The following CSNK2A2IP variants were observed in gnomAD, a reference collection of about 807,000 sequenced individuals.
CSNK2A2IP encodes casein kinase II subunit alpha'-interacting protein.
chr3:88,374,019 G>T, the CSNK2A2IP span, among the ~76,000 whole-genome samples: 1 of 151,564 alleles, frequency 6.6e-6, no homozygotes, highest in African/African-American at 2.4e-5. Context: ...TGGCTTCTTT[G>T]GTAAATCCTA....
At chr3:88,445,944 T>C in the CSNK2A2IP span, among the ~76,000 whole-genome samples, 3 of 136,718 alleles carry the variant, frequency 2.2e-5, no homozygotes, top group East Asian at 2.0e-4. Context: ...CTTTCTTTCT[T>C]TCTCTCTCTC....
the CSNK2A2IP span, among the ~76,000 whole-genome samples, chr3:88,412,009 A>G: frequency 1.3e-5 from 2 of 151,834 alleles, no homozygotes; most frequent in African/African-American, 4.8e-5. Flanking sequence ...CAACACTGTT[A>G]GAAGAATACC....
At chr3:88,447,950 T>C in the CSNK2A2IP span, among the ~76,000 whole-genome samples, 27 of 152,338 alleles carry the variant, frequency 1.8e-4, no homozygotes, top group African/African-American at 5.5e-4. Context: ...AAATAGTGCA[T>C]AACTAATTTG....
the CSNK2A2IP span, among the ~76,000 whole-genome samples, chr3:88,410,872 G>T: frequency 6.6e-6 from 1 of 151,934 alleles, no homozygotes; most frequent in South Asian, 2.1e-4. Context: ...TATATATATA[G>T]AGAGCGGAAG....
At chr3:88,383,884 C>T in the CSNK2A2IP span, among the ~76,000 whole-genome samples, 1,512 of 152,098 alleles carry the variant, frequency 9.9e-3, 22 homozygotes, top group African/African-American at 0.035. Context: ...AGGATGGTCT[C>T]GATCTCCTGA....
At chr3:88,457,365 T>TA in the CSNK2A2IP span, among the ~76,000 whole-genome samples, 271 of 151,910 alleles carry the variant, frequency 1.8e-3, no homozygotes, top group Middle Eastern at 6.8e-3. Flanking sequence ...CCTTTTTTTT[T>TA]ATCTATATTT....
At chr3:88,438,290 T>C in the CSNK2A2IP span, among the ~76,000 whole-genome samples, 3 of 152,184 alleles carry the variant, frequency 2.0e-5, no homozygotes, top group Non-Finnish European at 4.4e-5. Flanking sequence ...TGGTTTGGTA[T>C]GCTGAGAACT....
chr3:88,339,563 A>T, the CSNK2A2IP span, among the ~76,000 whole-genome samples: 1 of 152,020 alleles, frequency 6.6e-6, no homozygotes, highest in African/African-American at 2.4e-5. Context: ...TATACCCAGC[A>T]CTCACATATA....
the CSNK2A2IP span, among the ~76,000 whole-genome samples, chr3:88,352,172 T>G: frequency 6.6e-6 from 1 of 152,192 alleles, no homozygotes; most frequent in Non-Finnish European, 1.5e-5. Flanking sequence ...TAGTTTTTAC[T>G]AAATGTTTTA....
the CSNK2A2IP span, among the ~76,000 whole-genome samples, chr3:88,350,967 G>T: frequency 6.6e-6 from 1 of 152,096 alleles, no homozygotes; most frequent in Non-Finnish European, 1.5e-5. Flanking sequence ...TTTCTGTCAG[G>T]CAGAAGAGCA....
chr3:88,434,679 T>G, the CSNK2A2IP span, among the ~76,000 whole-genome samples: 2 of 152,132 alleles, frequency 1.3e-5, no homozygotes, highest in Admixed American at 6.5e-5. Context: ...ATTTATAGTT[T>G]CCCCACCCAA....
the CSNK2A2IP span, among the ~76,000 whole-genome samples, chr3:88,426,739 C>T: frequency 7.9e-5 from 12 of 152,092 alleles, no homozygotes; most frequent in African/African-American, 1.9e-4. Context: ...GCTTTGCCTT[C>T]GCCATGATTG....
chr3:88,413,010 T>C, the CSNK2A2IP span, among the ~76,000 whole-genome samples: 1 of 152,214 alleles, frequency 6.6e-6, no homozygotes, highest in Admixed American at 6.5e-5. Context: ...TGGATAGAAG[T>C]AGGTATCCCT....
At chr3:88,446,944 A>T in the CSNK2A2IP span, among the ~76,000 whole-genome samples, 2 of 152,204 alleles carry the variant, frequency 1.3e-5, no homozygotes, top group Non-Finnish European at 2.9e-5. Flanking sequence ...TAACTTTATT[A>T]GAACTCCTGT....
the CSNK2A2IP span, chr3:88,465,602 G>A: frequency 8.1e-7 from 1 of 1,231,634 alleles, no homozygotes; most frequent in Non-Finnish European, 1.0e-6. Flanking sequence ...ATTTCACAGA[G>A]CTTCTGTGAT....
At chr3:88,461,500 C>A in the CSNK2A2IP span, among the ~76,000 whole-genome samples, 5 of 152,114 alleles carry the variant, frequency 3.3e-5, no homozygotes, top group African/African-American at 1.2e-4. Flanking sequence ...TTGCAGTGAG[C>A]CGAGATCAAG....
the CSNK2A2IP span, among the ~76,000 whole-genome samples, chr3:88,364,088 C>T: frequency 6.6e-6 from 1 of 152,162 alleles, no homozygotes; most frequent in African/African-American, 2.4e-5. Flanking sequence ...TCTGTCTCTT[C>T]AACTCAGGGA....
chr3:88,368,935 A>G, the CSNK2A2IP span, among the ~76,000 whole-genome samples: 2 of 151,980 alleles, frequency 1.3e-5, no homozygotes, highest in African/African-American at 2.4e-5. Context: ...ATGTTCCTCA[A>G]ATCTTCCAAA....
the CSNK2A2IP span, chr3:88,465,461 T>A: frequency 4.9e-6 from 6 of 1,231,532 alleles, no homozygotes; most frequent in African/African-American, 1.6e-5. Context: ...GGTGAAAAAC[T>A]AAATCAATTC....
Sources: allele counts gnomAD v4.1 joint callset (sites outside exome capture counted in the v4.1 genomes callset), GRCh38; gene constraint gnomAD v4.1.1; transcripts MANE v1.5; gene names NCBI Gene and HGNC (gene_info 2026-07-23, HGNC 2026-07-21).